Variants in ROBO1 observed in about 807,000 individuals in gnomAD.
ROBO1 encodes the protein roundabout guidance receptor 1, also known as roundabout homolog 1.
A neutral mutation model predicts 195.9 loss-of-function variants in ROBO1; 149 were observed. The observed-to-expected ratio is 0.76, with a 90% CI of 0.67 to 0.87. The LOEUF (loss-of-function observed/expected upper bound fraction) is 0.87. ROBO1 is among the 40% of genes least tolerant of loss of function. The pLI is 0.00. For synonymous variants in ROBO1, 816 were observed against 733.2 expected (o/e 1.11, Z -1.82); for missense variants, 1,933 against 2,068.3 (o/e 0.93, Z 1.27).
intron 2 of ROBO1, among the ~76,000 whole-genome samples, chr3:79,397,842 A>G (rs568925487): frequency 1.3e-5 from 2 of 152,174 alleles, no homozygotes; most frequent in Admixed American, 6.5e-5. Context: ...TCTGTCTCTC[A>G]TATTATTCAT....
Position 79,752,118 on chromosome 3 carries a change from A to G in ROBO1, c.-51+15634T>C, listed in dbSNP as rs190566732. The stretch of plus-strand genomic sequence containing the variant: ...CTGACAGATGTAGGAACAACACACC[A>G]TGGAAGCAACAGGGGAAAGCTACTG... On this transcript the variant is annotated intron_variant, in intron 1 of 30. Coordinates refer to ENST00000464233, the MANE Select transcript of ROBO1 (RefSeq NM_002941.4). 1.2e-3 allele frequency among the ~76,000 whole-genome samples: 183 copies of G among 152,270 alleles called. 1 individual carries two copies. The highest frequency in any genetic ancestry group is 4.2e-3 in the African/African-American group (175 of 41,568).
chr3:78,944,724 C>T (rs2040324804), intron 3 of ROBO1, among the ~76,000 whole-genome samples: 1 of 152,212 alleles, frequency 6.6e-6, no homozygotes, highest in African/African-American at 2.4e-5. Context: ...CATTGCCTAA[C>T]CCAGGAAGCG....
At chr3:79,734,846 A>T (rs756953588) in intron 1 of ROBO1, among the ~76,000 whole-genome samples, 54 of 152,214 alleles carry the variant, frequency 3.5e-4, no homozygotes, top group Non-Finnish European at 6.8e-4. Flanking sequence ...ACAATGGAAT[A>T]AAAAGGGAGT....
At chr3:79,035,182 A>T (rs761914795) in intron 3 of ROBO1, among the ~76,000 whole-genome samples, 33 of 152,066 alleles carry the variant, frequency 2.2e-4, no homozygotes, top group Non-Finnish European at 3.8e-4. Flanking sequence ...TAAAATGAGT[A>T]TTATAATAAT....
intron 3 of ROBO1, among the ~76,000 whole-genome samples, chr3:78,955,313 C>T (rs2040992998): frequency 6.6e-6 from 1 of 151,888 alleles, no homozygotes; most frequent in Non-Finnish European, 1.5e-5. Flanking sequence ...ATTACCAAGG[C>T]AATAAGCATG....
At chr3:79,419,310 C>A (rs1057084040) in intron 2 of ROBO1, among the ~76,000 whole-genome samples, 4 of 152,078 alleles carry the variant, frequency 2.6e-5, no homozygotes, top group Admixed American at 2.0e-4. Context: ...ATTTAATTAG[C>A]CCCTCTTATA....
chr3:79,703,658 G>C (rs1947685212), intron 1 of ROBO1, among the ~76,000 whole-genome samples: 1 of 151,836 alleles, frequency 6.6e-6, no homozygotes, highest in African/African-American at 2.4e-5. Context: ...AAAAATCTGT[G>C]TGGTCTCTTA....
chr3:78,782,101 C>A (rs2083694023), intron 4 of ROBO1, among the ~76,000 whole-genome samples: 1 of 152,096 alleles, frequency 6.6e-6, no homozygotes, highest in South Asian at 2.1e-4. Flanking sequence ...ATGAACCTGT[C>A]ATTTTCTTGC....
intron 1 of ROBO1, among the ~76,000 whole-genome samples, chr3:79,610,165 G>A (rs991492787): frequency 4.6e-5 from 7 of 151,820 alleles, no homozygotes; most frequent in Admixed American, 2.0e-4. Flanking sequence ...CTCTTTATCC[G>A]TGGGGGATAC....
At chr3:79,001,499 T>C (rs144875957) in intron 3 of ROBO1, among the ~76,000 whole-genome samples, 355 of 152,212 alleles carry the variant, frequency 2.3e-3, no homozygotes, top group African/African-American at 8.1e-3. Context: ...CCATAACTAA[T>C]TTTGTTTTCA....
At chr3:79,623,503 A>C (rs1945075472) in intron 1 of ROBO1, among the ~76,000 whole-genome samples, 1 of 152,234 alleles carries the variant, frequency 6.6e-6, no homozygotes, top group Admixed American at 6.5e-5. Flanking sequence ...GAACATAAAC[A>C]ACCTGATGGA....
chr3:79,167,272 T>C (rs926074949), intron 2 of ROBO1, among the ~76,000 whole-genome samples: 1 of 152,110 alleles, frequency 6.6e-6, no homozygotes, highest in Admixed American at 6.5e-5. Context: ...TGTTTTTTTG[T>C]TTACTCTTCA....
intron 3 of ROBO1, among the ~76,000 whole-genome samples, chr3:78,983,893 G>T (rs1156285107): frequency 6.6e-6 from 1 of 152,120 alleles, no homozygotes; most frequent in Non-Finnish European, 1.5e-5. Flanking sequence ...TTCTTAAGAA[G>T]AAAAATTTAA....
chr3:78,639,103 G>A (rs367920716), intron 22 of ROBO1, among the ~76,000 whole-genome samples: 10 of 151,416 alleles, frequency 6.6e-5, no homozygotes, highest in East Asian at 2.0e-4. Flanking sequence ...CTGAGATTGC[G>A]CCTCTGAGCT....
chr3:79,554,320 T>C (rs1942624580), intron 2 of ROBO1, among the ~76,000 whole-genome samples: 3 of 151,994 alleles, frequency 2.0e-5, no homozygotes, highest in Admixed American at 2.0e-4. Context: ...ATGTAAAAAG[T>C]GTAATTCTTT....
At chr3:79,598,596 C>T (rs1944250382) in intron 1 of ROBO1, among the ~76,000 whole-genome samples, 1 of 151,954 alleles carries the variant, frequency 6.6e-6, no homozygotes, top group Non-Finnish European at 1.5e-5. Context: ...TGCACAGTGG[C>T]TGCAGCAAGC....
intron 4 of ROBO1, among the ~76,000 whole-genome samples, chr3:78,855,123 G>GA (rs1169634350): frequency 1.3e-3 from 191 of 144,978 alleles, no homozygotes; most frequent in Non-Finnish European, 1.6e-3. Context: ...TGTCTGATTT[G>GA]AAAAAAAAAA....
chr3:78,868,096 C>A (rs2035293848), intron 4 of ROBO1, among the ~76,000 whole-genome samples: 1 of 152,072 alleles, frequency 6.6e-6, no homozygotes, highest in Non-Finnish European at 1.5e-5. Flanking sequence ...CTTACTCAGG[C>A]GACAGCATTT....
intron 1 of ROBO1, among the ~76,000 whole-genome samples, chr3:79,750,521 T>G (rs1704089463): frequency 6.6e-6 from 1 of 152,130 alleles, no homozygotes; most frequent in Admixed American, 6.6e-5. Flanking sequence ...GAATTGTAAC[T>G]CCCACAATTC....
Sources: gnomAD v4.1 joint callset for allele counts (sites outside exome capture counted in the v4.1 genomes callset) on GRCh38, gnomAD v4.1.1 for gene constraint, MANE v1.5 for transcripts, NCBI Gene and HGNC (gene_info 2026-07-23, HGNC 2026-07-21) for gene names.